Variants in TDRP observed in about 807,000 individuals in gnomAD.
The protein encoded by TDRP is testis development related protein.
Under a neutral mutation model 10.5 loss-of-function variants are expected in TDRP, and 12 were observed. The ratio of observed to expected loss-of-function variants is 1.15; its 90% CI spans 0.73 to 1.86. The LOEUF (loss-of-function observed/expected upper bound fraction) is 1.86. Ranked by LOEUF, TDRP falls within the 40% of genes most tolerant of loss-of-function variation. TDRP has a pLI of 0.00. For missense variants in TDRP, 353 were observed against 229.2 expected (o/e 1.54, Z -3.49); for synonymous variants, 139 against 95.4 (o/e 1.46, Z -2.67).
At position 491,383 on chromosome 8, in the gene TDRP, C is replaced by T; in HGVS notation, c.*1016G>A. Reference sequence around the variant, plus strand: ...ACCTTCCAGGGACGCATAACTGGCACCTGATACTGTGCAGGATCACATTGT... The same window carrying T: ...ACCTTCCAGGGACGCATAACTGGCATCTGATACTGTGCAGGATCACATTGT... On this transcript the variant is annotated 3_prime_UTR_variant, in exon 3 of 3. Coordinates refer to ENST00000324079, the MANE Select transcript of TDRP (RefSeq NM_001384899.1). The T allele has an allele frequency of 2.6e-6, 1 of 388,864 alleles. No individual in the cohort carries two copies. Among genetic ancestry groups the T allele is most frequent in the Non-Finnish European group, 4.5e-6 (1 of 221,230 alleles). 24.1% of individuals were successfully genotyped at this position (388,864 alleles called of 1,614,324 possible). A position where few individuals can be genotyped will look rare whatever the true frequency, so the allele number is the denominator to read the frequency against.
Position 494,607 on chromosome 8 carries a change from G to T in TDRP, c.109-10C>A, listed in dbSNP as rs761881657. The T allele has an allele frequency of 1.1e-5, 17 of 1,611,698 alleles. No homozygotes were observed. The highest frequency in any genetic ancestry group is 9.3e-6 in the Non-Finnish European group (11 of 1,178,464). ...AACTTGCTCCCTGAACCTAATAAAAGGTTAAGAAAAATGTCAAATCTGATG... is the reference window on the plus strand; with the variant it reads ...AACTTGCTCCCTGAACCTAATAAAATGTTAAGAAAAATGTCAAATCTGATG... On this transcript the variant is annotated splice_polypyrimidine_tract_variant and intron_variant, in intron 1 of 2. Coordinates refer to ENST00000324079, the MANE Select transcript of TDRP (RefSeq NM_001384899.1).
intron 1 of TDRP, among the ~76,000 whole-genome samples, chr8:522,666 G>C (rs1439125158): frequency 6.6e-6 from 1 of 152,110 alleles, no homozygotes; most frequent in East Asian, 1.9e-4. Context: ...CTCTTTGTTT[G>C]GGGCTCAGTC....
At chr8:513,061 A>G (rs992239490) in intron 1 of TDRP, among the ~76,000 whole-genome samples, 4 of 152,030 alleles carry the variant, frequency 2.6e-5, no homozygotes, top group African/African-American at 9.7e-5. Context: ...GTTTGCTACT[A>G]AATCCTACCA....
At chr8:504,250 A>C (rs1413647921) in intron 1 of TDRP, among the ~76,000 whole-genome samples, 1 of 152,168 alleles carries the variant, frequency 6.6e-6, no homozygotes, top group East Asian at 1.9e-4. Context: ...ATCTTTTAAA[A>C]ACAAACGGAG....
At chr8:503,719 A>G (rs1035642748) in intron 1 of TDRP, among the ~76,000 whole-genome samples, 7 of 149,698 alleles carry the variant, frequency 4.7e-5, no homozygotes, top group Admixed American at 1.3e-4. Context: ...CATGGAATCC[A>G]GAGCTACACA....
chr8:508,448 G>A (rs891081668), intron 1 of TDRP, among the ~76,000 whole-genome samples: 2 of 152,164 alleles, frequency 1.3e-5, no homozygotes, highest in African/African-American at 4.8e-5. Flanking sequence ...AATGGTGGAA[G>A]GCAAAAGGCA....
rs371027611 is a variant in TDRP at position 533,547 on chromosome 8, T to C, written c.108+11103A>G. Among the ~76,000 whole-genome samples, 4 of 152,338 alleles carry C rather than the reference T, an allele frequency of 2.6e-5. No homozygotes were observed. In the East Asian group the frequency reaches 5.8e-4, roughly 22 times the overall value. ...GTTCTCATTTCACAGCTGACCTCCC[T>C]GACTAGAACCCCAGACGTTTCATCG... On this transcript the variant is annotated intron_variant, in intron 1 of 2. Coordinates refer to ENST00000324079, the MANE Select transcript of TDRP (RefSeq NM_001384899.1).
At chr8:525,178 C>T (rs1300236293) in intron 1 of TDRP, among the ~76,000 whole-genome samples, 1 of 152,104 alleles carries the variant, frequency 6.6e-6, no homozygotes, top group East Asian at 1.9e-4. Context: ...AATTAAAGTG[C>T]TGAAGGAAAA....
chr8:501,168 T>C lies in TDRP; in HGVS notation c.109-6571A>G, dbSNP rs188100627. ...TTGCAGTGAGCTGAGATCGCGCCAC[T>C]GCACTCCAGCCTGGGCGACAGAGTG... On this transcript the variant is annotated intron_variant, in intron 1 of 2. Coordinates refer to ENST00000324079, the MANE Select transcript of TDRP (RefSeq NM_001384899.1). 5.4e-3 allele frequency among the ~76,000 whole-genome samples: 821 copies of C among 151,548 alleles called. 7 individuals are homozygous for C. The highest frequency in any genetic ancestry group is 0.019 in the African/African-American group (784 of 41,350).
chr8:536,049 C>T (rs1001079055), intron 1 of TDRP, among the ~76,000 whole-genome samples: 4 of 152,164 alleles, frequency 2.6e-5, no homozygotes, highest in Non-Finnish European at 5.9e-5. Flanking sequence ...TAAAAGTACA[C>T]CTTATCAATT....
chr8:504,630 G>A (rs753754051), intron 1 of TDRP, among the ~76,000 whole-genome samples: 5 of 150,674 alleles, frequency 3.3e-5, no homozygotes, highest in Non-Finnish European at 5.9e-5. Flanking sequence ...TTGGGAATAA[G>A]AAGTCAGCAC....
chr8:518,446 A>C (rs1801813507), intron 1 of TDRP, among the ~76,000 whole-genome samples: 1 of 152,230 alleles, frequency 6.6e-6, no homozygotes, highest in South Asian at 2.1e-4. Context: ...CAACTGTAGA[A>C]ATGGAATAAA....
intron 1 of TDRP, among the ~76,000 whole-genome samples, chr8:499,137 A>C (rs28548463): frequency 0.3 from 46,081 of 152,052 alleles, 7,212 homozygotes; most frequent in Admixed American, 0.39. Flanking sequence ...AATTATTGAA[A>C]TATAAATTAT....
chr8:528,920 T>C (rs13264981), intron 1 of TDRP, among the ~76,000 whole-genome samples: 105,121 of 151,930 alleles, frequency 0.69, 36,746 homozygotes, highest in African/African-American at 0.74. Context: ...CACAACAGGA[T>C]GTCTGCAAGC....
At chr8:500,615 T>A (rs1359346378) in intron 1 of TDRP, among the ~76,000 whole-genome samples, 3 of 152,240 alleles carry the variant, frequency 2.0e-5, no homozygotes, top group Non-Finnish European at 1.5e-5. Context: ...ACAGTGTCAT[T>A]TGCGTTTTCT....
At chr8:509,681 C>T (rs1397934768) in intron 1 of TDRP, among the ~76,000 whole-genome samples, 1 of 152,176 alleles carries the variant, frequency 6.6e-6, no homozygotes, top group Non-Finnish European at 1.5e-5. Flanking sequence ...AGGTCTCTGA[C>T]ATGCCCTGGA....
intron 1 of TDRP, among the ~76,000 whole-genome samples, chr8:542,415 C>T (rs533682316): frequency 2.6e-5 from 4 of 152,100 alleles, no homozygotes; most frequent in East Asian, 3.9e-4. Context: ...TTGTAACAAA[C>T]GCACCATTCT....
At chr8:500,920 G>A (rs1449712098) in intron 1 of TDRP, among the ~76,000 whole-genome samples, 1 of 152,232 alleles carries the variant, frequency 6.6e-6, no homozygotes, top group African/African-American at 2.4e-5. Context: ...ACAAGAACAT[G>A]AGCAGGCCGG....
chr8:512,466 A>G (rs139622696), intron 1 of TDRP, among the ~76,000 whole-genome samples: 1 of 152,138 alleles, frequency 6.6e-6, no homozygotes, highest in Non-Finnish European at 1.5e-5. Context: ...AAATTGATAA[A>G]TCTTGAAACT....
Sources: gnomAD v4.1 joint callset for allele counts (sites outside exome capture counted in the v4.1 genomes callset) on GRCh38, gnomAD v4.1.1 for gene constraint, MANE v1.5 for transcripts, NCBI Gene and HGNC (gene_info 2026-07-23, HGNC 2026-07-21) for gene names.